Variants in SPATA16 observed in about 807,000 individuals in gnomAD.
The protein encoded by SPATA16 is spermatogenesis-associated protein 16.
Under a neutral mutation model 63.3 loss-of-function variants are expected in SPATA16, and 36 were observed. The observed-to-expected ratio is 0.57, with a 90% CI of 0.44 to 0.75. SPATA16 has a LOEUF of 0.75. Among genes scored for constraint, SPATA16 ranks in the 30% least tolerant of loss-of-function variants. The pLI, the probability that SPATA16 is intolerant of heterozygous loss-of-function variation, is 0.00. For missense variants in SPATA16, 646 were observed against 679.3 expected, an observed-to-expected ratio of 0.95 and a Z score of 0.54; for synonymous variants, 203 against 216.7, an observed-to-expected ratio of 0.94 and a Z score of 0.56.
intron 3 of SPATA16, among the ~76,000 whole-genome samples, chr3:173,026,685 TTCTC>T (rs909389087): frequency 2.6e-5 from 4 of 151,986 alleles, no homozygotes; most frequent in African/African-American, 9.7e-5. Flanking sequence ...AGACTATTCT[TTCTC>T]TATTGAATAA....
chr3:173,025,131 T>G (rs1187677186), intron 3 of SPATA16, among the ~76,000 whole-genome samples: 1 of 151,278 alleles, frequency 6.6e-6, no homozygotes, highest in Non-Finnish European at 1.5e-5. Context: ...AATTTCTTCT[T>G]CTGCTATATA....
In SPATA16 at chr3:172,946,811, CCTGCGGA is replaced by C. The variant is rs1434750586; in HGVS notation, c.1081+9859_1081+9865del. The stretch of plus-strand genomic sequence containing the variant: ...GACGCAAGCCTGGCTGGATTCACCA[CCTGCGGA>C]CTGAACAGCCCTTGGGCCTTGAGTG... On this transcript the variant is annotated intron_variant, in intron 6 of 10. Transcript: ENST00000351008. 2.6e-5 allele frequency among the ~76,000 whole-genome samples: 4 copies of C among 152,292 alleles called. No homozygotes were observed. The East Asian group carries it at 7.7e-4, about 29-fold the overall frequency.
intron 4 of SPATA16, among the ~76,000 whole-genome samples, chr3:173,001,117 G>A (rs1734812939): frequency 6.6e-6 from 1 of 152,114 alleles, no homozygotes; most frequent in Non-Finnish European, 1.5e-5. Context: ...AATGTAGTGG[G>A]TAAAAGGAAC....
intron 2 of SPATA16, among the ~76,000 whole-genome samples, chr3:173,085,875 G>A (rs139665827): frequency 1.6e-4 from 25 of 152,210 alleles, no homozygotes; most frequent in Non-Finnish European, 2.9e-4. Context: ...CAACTTGATC[G>A]TGGTAAATAA....
At chr3:172,991,972 G>C (rs1177492665) in intron 4 of SPATA16, among the ~76,000 whole-genome samples, 1 of 152,174 alleles carries the variant, frequency 6.6e-6, no homozygotes, top group Non-Finnish European at 1.5e-5. Context: ...TGGGAGAACT[G>C]AGAAACTGAA....
chr3:172,904,897 G>A lies in SPATA16; in HGVS notation c.1587+8764C>T, dbSNP rs554795252. On this transcript the variant is annotated intron_variant, in intron 10 of 10. Coordinates refer to ENST00000351008, the MANE Select transcript of SPATA16 (RefSeq NM_031955.6). ...GGGCTTAGCTTCTGAACACAATCAC[G>A]AGGCTCTGCCAGGACTTTGGTTAAG... is the stretch of plus-strand genomic sequence containing the variant. Among the ~76,000 whole-genome samples, 12 of 152,214 alleles carry A rather than the reference G, an allele frequency of 7.9e-5. No homozygotes were observed. In the East Asian group the frequency reaches 1.9e-3, roughly 25 times the overall value.
intron 6 of SPATA16, among the ~76,000 whole-genome samples, chr3:172,949,473 A>T (rs1733376130): frequency 6.6e-6 from 1 of 152,216 alleles, no homozygotes; most frequent in East Asian, 1.9e-4. Flanking sequence ...AAATTTTTTT[A>T]AATTCTCAAT....
chr3:173,050,324 A>T (rs937128417), intron 2 of SPATA16, among the ~76,000 whole-genome samples: 3 of 152,242 alleles, frequency 2.0e-5, no homozygotes, highest in Admixed American at 1.3e-4. Context: ...GTAGTTACCT[A>T]ATGCTGTTTT....
At chr3:173,072,067 G>A (rs1165079728) in intron 2 of SPATA16, among the ~76,000 whole-genome samples, 1 of 152,138 alleles carries the variant, frequency 6.6e-6, no homozygotes, top group Admixed American at 6.5e-5. Context: ...TACTGGATAT[G>A]TATCCAAAAG....
chr3:173,104,549 G>A (rs1282186787), intron 2 of SPATA16, among the ~76,000 whole-genome samples: 4 of 152,264 alleles, frequency 2.6e-5, no homozygotes, highest in African/African-American at 7.2e-5. Flanking sequence ...ATCACATGGT[G>A]AGTGCAGGAG....
chr3:172,951,753 T>C (rs549592266), intron 6 of SPATA16, among the ~76,000 whole-genome samples: 1 of 152,290 alleles, frequency 6.6e-6, no homozygotes, highest in South Asian at 2.1e-4. Context: ...CTATCTATGC[T>C]TGATGAAGGT....
intron 2 of SPATA16, among the ~76,000 whole-genome samples, chr3:173,079,073 C>T (rs1354945262): frequency 6.6e-6 from 1 of 152,054 alleles, no homozygotes; most frequent in African/African-American, 2.4e-5. Context: ...TGTCATCTGT[C>T]AAGTCACCCT....
intron 10 of SPATA16, among the ~76,000 whole-genome samples, chr3:172,891,047 T>G (rs570436660): frequency 6.7e-6 from 1 of 148,434 alleles, no homozygotes; most frequent in African/African-American, 2.4e-5. Flanking sequence ...AATAAGACAT[T>G]AAAAAATTAA....
In SPATA16 at chr3:172,910,483, T is replaced by A. The variant is rs577063062; in HGVS notation, c.1587+3178A>T. ...TGGCTACTACTTAACTCAGTCAAGT[T>A]GACTTAGATAATATGTAAATAAATG... On this transcript the variant is annotated intron_variant, in intron 10 of 10. Transcript: ENST00000351008. 3.7e-3 allele frequency among the ~76,000 whole-genome samples: 564 copies of A among 152,266 alleles called. 2 individuals carry two copies. Among genetic ancestry groups the A allele is most frequent in the African/African-American group, 0.013 (538 of 41,528 alleles).
At chr3:173,041,385 A>G (rs563372977) in intron 3 of SPATA16, among the ~76,000 whole-genome samples, 59 of 152,302 alleles carry the variant, frequency 3.9e-4, no homozygotes, top group African/African-American at 1.4e-3. Context: ...CATTCTCTTC[A>G]TTGAGCCTTT....
chr3:172,977,178 A>C (rs1260930270), intron 4 of SPATA16, 126 bp from the exon 5 acceptor site: 1 of 805,226 alleles, frequency 1.2e-6, no homozygotes. Context: ...GTCTAGACTA[A>C]TATTAAGCAA....
chr3:172,961,045 T>G (rs1733757276), intron 5 of SPATA16, among the ~76,000 whole-genome samples: 1 of 92,230 alleles, frequency 1.1e-5, no homozygotes, highest in Non-Finnish European at 2.3e-5. Flanking sequence ...TCTTTCTTTC[T>G]TTCTTCTTTC....
At chr3:173,118,086 G>A (rs1294136660) in intron 1 of SPATA16, among the ~76,000 whole-genome samples, 2 of 152,028 alleles carry the variant, frequency 1.3e-5, no homozygotes, top group African/African-American at 4.8e-5. Context: ...GACAAGAAAA[G>A]CCAAAGTAAA....
intron 2 of SPATA16, among the ~76,000 whole-genome samples, chr3:173,096,738 A>G (rs563322845): frequency 7.0e-4 from 106 of 152,244 alleles, no homozygotes; most frequent in Middle Eastern, 3.4e-3. Flanking sequence ...TCCAGCAGAT[A>G]TATCTGTATT....
Sources: gnomAD v4.1 joint callset for allele counts (sites outside exome capture counted in the v4.1 genomes callset) on GRCh38, gnomAD v4.1.1 for gene constraint, MANE v1.5 for transcripts, NCBI Gene and HGNC (gene_info 2026-07-23, HGNC 2026-07-21) for gene names.